Variants in PDE11A observed in about 807,000 individuals in gnomAD.
PDE11A encodes phosphodiesterase 11A.
In PDE11A, 100 loss-of-function variants were observed where a neutral mutation model predicts 100.5. The observed-to-expected ratio is 1.00, with a 90% CI of 0.85 to 1.18. The LOEUF (loss-of-function observed/expected upper bound fraction) is 1.18. Among genes scored for constraint, PDE11A ranks in the 50% most tolerant of loss-of-function variants. The probability of loss-of-function intolerance (pLI) is 0.00; values close to 1 mark genes in which losing one functional copy is unlikely to be tolerated. For synonymous variants in PDE11A, 381 were observed against 420.8 expected (o/e 0.91, Z 1.16); for missense variants, 1,141 against 1,152.6 (o/e 0.99, Z 0.15).
chr2:177,711,587 C>T (rs2081359622), intron 13 of PDE11A, among the ~76,000 whole-genome samples, 182 bp downstream of exon 13: 1 of 152,200 alleles, frequency 6.6e-6, no homozygotes, highest in Non-Finnish European at 1.5e-5. Context: ...AAGGGCAAAT[C>T]TGCAATTAAA....
At chr2:177,724,292 A>C (rs1044082744) in intron 12 of PDE11A, among the ~76,000 whole-genome samples, 3 of 152,100 alleles carry the variant, frequency 2.0e-5, no homozygotes, top group Non-Finnish European at 4.4e-5. Context: ...TCATCATTTT[A>C]TATCAATTTG....
At chr2:177,757,694 G>C (rs755135353) in intron 10 of PDE11A, among the ~76,000 whole-genome samples, 1 of 152,128 alleles carries the variant, frequency 6.6e-6, no homozygotes, top group African/African-American at 2.4e-5. Flanking sequence ...TTTGATTATA[G>C]TGAGTGTAAA....
intron 2 of PDE11A, among the ~76,000 whole-genome samples, chr2:178,008,460 T>C (rs1002500341): frequency 6.6e-6 from 1 of 152,168 alleles, no homozygotes; most frequent in African/African-American, 2.4e-5. Context: ...AAGTCATACA[T>C]GTGTGAGCTG....
At chr2:177,653,163 C>T (rs6731684) in intron 19 of PDE11A, among the ~76,000 whole-genome samples, 10,111 of 152,180 alleles carry the variant, frequency 0.066, 927 homozygotes, top group African/African-American at 0.21. Context: ...GAGAAGATTC[C>T]CACTTTTCTG....
chr2:177,997,560 C>A (rs1337541975), intron 2 of PDE11A: 2 of 864,876 alleles, frequency 2.3e-6, no homozygotes, highest in Admixed American at 1.7e-5. Context: ...GTTTTCTGTT[C>A]TTTTCTGTTC....
At chr2:178,079,861 C>G (rs1186362624) in intron 2 of PDE11A, among the ~76,000 whole-genome samples, 1 of 152,176 alleles carries the variant, frequency 6.6e-6, no homozygotes, top group Non-Finnish European at 1.5e-5. Context: ...AAGATGGTAT[C>G]TCATTGTGGT....
At chr2:177,703,731 T>C (rs932603092) in intron 13 of PDE11A, among the ~76,000 whole-genome samples, 3 of 152,198 alleles carry the variant, frequency 2.0e-5, no homozygotes, top group Non-Finnish European at 2.9e-5. Context: ...AGTCACTCTG[T>C]ATCTTCTTTG....
chr2:178,019,121 T>G (rs948091366), intron 1 of PDE11A, among the ~76,000 whole-genome samples: 4 of 152,194 alleles, frequency 2.6e-5, no homozygotes, highest in Non-Finnish European at 4.4e-5. Context: ...TTGCAGAAAA[T>G]TAGACAATAT....
intron 12 of PDE11A, among the ~76,000 whole-genome samples, chr2:177,719,280 T>G (rs10178985): frequency 0.086 from 13,135 of 152,218 alleles, 1,883 homozygotes; most frequent in African/African-American, 0.29. Flanking sequence ...CTGTTGATTC[T>G]GAGATGTAGC....
At chr2:178,096,893 TG>T (rs1373640557) in intron 2 of PDE11A, among the ~76,000 whole-genome samples, 1 of 152,080 alleles carries the variant, frequency 6.6e-6, no homozygotes, top group African/African-American at 2.4e-5. Context: ...TGGCACATTT[TG>T]TTTTTTTTTT....
intron 2 of PDE11A, among the ~76,000 whole-genome samples, chr2:178,001,275 A>AGTGTGTGT (rs57136586): frequency 0.054 from 7,663 of 140,670 alleles, 243 homozygotes; most frequent in Non-Finnish European, 0.07. Context: ...ACAATGTGAA[A>AGTGTGTGT]GTGTGTGTGT....
intron 1 of PDE11A, among the ~76,000 whole-genome samples, chr2:178,020,024 T>C (rs527937451): frequency 2.6e-5 from 4 of 152,332 alleles, no homozygotes; most frequent in East Asian, 1.9e-4. Context: ...TTACTAGGCA[T>C]TGGTATTTTT....
rs200567277 is a variant in PDE11A, at chr2:178,014,398, G to A, written c.975C>T (p.Cys325=). The A allele has an allele frequency of 1.7e-4, 275 of 1,611,446 alleles. 3 individuals carry two copies. In the South Asian group the frequency reaches 2.7e-3, roughly 16 times the overall value. Residue 325 remains cysteine, a synonymous_variant, in exon 2 of 20, where the codon TGC becomes TGT. Transcript: ENST00000286063. ...LTGYKTKSLL[C]MPIRSSDGEI... Reference sequence around the variant, plus strand: ...CACCATCACTGCTTCGGATAGGCATGCACAATAATGATTTTGTCTTGTATC... The same window carrying A: ...CACCATCACTGCTTCGGATAGGCATACACAATAATGATTTTGTCTTGTATC...
intron 10 of PDE11A, among the ~76,000 whole-genome samples, chr2:177,743,179 A>G (rs1419419536): frequency 1.3e-5 from 2 of 152,246 alleles, no homozygotes; most frequent in Non-Finnish European, 2.9e-5. Context: ...GATGCTGATT[A>G]CAGAAACCAG....
At chr2:177,688,386 A>G (rs923692582) in intron 15 of PDE11A, 2 of 152,268 alleles carry the variant, frequency 1.3e-5, no homozygotes, top group Non-Finnish European at 2.9e-5. Context: ...GTTTGCCTAT[A>G]CAGCTGTTCT....
At chr2:178,010,821 T>A (rs2086266384) in intron 2 of PDE11A, among the ~76,000 whole-genome samples, 1 of 152,184 alleles carries the variant, frequency 6.6e-6, no homozygotes, top group Admixed American at 6.5e-5. Context: ...TTAGTACATA[T>A]AAGGATAACC....
intron 2 of PDE11A, among the ~76,000 whole-genome samples, chr2:177,991,574 G>A (rs2086005012): frequency 6.6e-6 from 1 of 150,958 alleles, no homozygotes; most frequent in South Asian, 2.1e-4. Flanking sequence ...GGCGGAGGTT[G>A]CAGTGTGCCG....
chr2:177,702,154 A>T (rs574171405), intron 13 of PDE11A, among the ~76,000 whole-genome samples: 1 of 152,278 alleles, frequency 6.6e-6, no homozygotes, highest in Admixed American at 6.5e-5. Context: ...AATTTCATTT[A>T]TGTAGAACAA....
At chr2:177,653,753 T>C (rs1213537090) in intron 19 of PDE11A, among the ~76,000 whole-genome samples, 1 of 152,222 alleles carries the variant, frequency 6.6e-6, no homozygotes, top group Non-Finnish European at 1.5e-5. Flanking sequence ...GAACCACCCC[T>C]GCTGACACCT....
Sources: gnomAD v4.1 joint callset for allele counts (sites outside exome capture counted in the v4.1 genomes callset) on GRCh38, gnomAD v4.1.1 for gene constraint, MANE v1.5 for transcripts, NCBI Gene and HGNC (gene_info 2026-07-23, HGNC 2026-07-21) for gene names.